Variants in BICC1 observed in about 807,000 individuals in gnomAD.
The protein encoded by BICC1 is protein bicaudal C homolog 1.
BICC1 carries 43 observed loss-of-function variants against 111.0 expected under a neutral mutation model. The ratio of observed to expected loss-of-function variants is 0.39; its 90% CI spans 0.30 to 0.50. The LOEUF is 0.50. BICC1 is among the 20% of genes least tolerant of loss of function. BICC1 has a pLI of 0.88. For synonymous variants in BICC1, 467 were observed against 434.4 expected, an observed-to-expected ratio of 1.07 and a Z score of -0.93; for missense variants, 1,091 against 1,203.2, an observed-to-expected ratio of 0.91 and a Z score of 1.38.
intron 3 of BICC1, among the ~76,000 whole-genome samples, chr10:58,728,028 T>G (rs1589069786): frequency 6.6e-6 from 1 of 152,364 alleles, no homozygotes; most frequent in Non-Finnish European, 1.5e-5. Context: ...ATCTTTTTGC[T>G]GGTGGAGGGT....
intron 2 of BICC1, among the ~76,000 whole-genome samples, chr10:58,680,286 C>G (rs1225534335): frequency 6.6e-6 from 1 of 152,070 alleles, no homozygotes; most frequent in African/African-American, 2.4e-5. Flanking sequence ...TTTGGAAAAC[C>G]CCGTCATCTC....
intron 3 of BICC1, among the ~76,000 whole-genome samples, chr10:58,772,085 A>G (rs1428061540): frequency 6.6e-6 from 1 of 152,184 alleles, no homozygotes; most frequent in Non-Finnish European, 1.5e-5. Context: ...TGTCTGGCCC[A>G]CAGTAGGCAT....
chr10:58,762,561 G>GGCCA (rs1842346091), intron 3 of BICC1, among the ~76,000 whole-genome samples: 1 of 152,112 alleles, frequency 6.6e-6, no homozygotes, highest in African/African-American at 2.4e-5. Flanking sequence ...GTTATTAAGT[G>GGCCA]GCCAGCATTC....
intron 3 of BICC1, among the ~76,000 whole-genome samples, chr10:58,732,369 GTGTGTGTA>G (rs1564580547): frequency 1.1e-5 from 1 of 91,474 alleles, no homozygotes; most frequent in African/African-American, 4.6e-5. Flanking sequence ...GTGTGTGTGT[GTGTGTGTA>G]TGTATATATA....
At chr10:58,798,053 G>A (rs1298653111) in intron 10 of BICC1, among the ~76,000 whole-genome samples, 7 of 152,202 alleles carry the variant, frequency 4.6e-5, no homozygotes, top group Non-Finnish European at 1.0e-4. Flanking sequence ...GAGTTATGCA[G>A]AAGAATAAAA....
At chr10:58,814,326 T>A in intron 18 of BICC1, 2 of 583,368 alleles carry the variant, frequency 3.4e-6, no homozygotes, top group Non-Finnish European at 6.1e-6. Flanking sequence ...ATGTGTCAAG[T>A]ATTCTGTTAT....
At chr10:58,710,430 C>A in intron 3 of BICC1, among the ~76,000 whole-genome samples, 1 of 152,274 alleles carries the variant, frequency 6.6e-6, no homozygotes, top group South Asian at 2.1e-4. Context: ...TCAGTCCTTG[C>A]AGATTACAGA....
chr10:58,539,544 A>AG (rs1589076506), intron 1 of BICC1, among the ~76,000 whole-genome samples: 1 of 151,556 alleles, frequency 6.6e-6, no homozygotes, highest in African/African-American at 2.4e-5. Flanking sequence ...AATAAAAAAA[A>AG]ATTTTTGAAG....
In BICC1 at chr10:58,762,330, A is replaced by T. The variant is rs1589113583; in HGVS notation, c.308-22671A>T. 3.3e-5 allele frequency among the ~76,000 whole-genome samples: 5 copies of T among 152,334 alleles called. No homozygotes were observed. In the East Asian group the frequency reaches 7.7e-4, roughly 23 times the overall value. The stretch of plus-strand genomic sequence containing the variant: ...GGTCAAACATTGAGAACTGATTTGC[A>T]GATAAGCTTTATGGGAATGTCTGTG... On this transcript the variant is annotated intron_variant, in intron 3 of 20. Coordinates refer to ENST00000373886, the MANE Select transcript of BICC1 (RefSeq NM_001080512.3).
chr10:58,814,879 A>G (rs1379494809), intron 18 of BICC1, among the ~76,000 whole-genome samples: 1 of 152,116 alleles, frequency 6.6e-6, no homozygotes, highest in Admixed American at 6.6e-5. Context: ...GTGGCTACTA[A>G]AGGTGAATAG....
At chr10:58,702,164 A>T in intron 3 of BICC1, 21 bp downstream of exon 3, 1 of 1,593,242 alleles carries the variant, frequency 6.3e-7, no homozygotes, top group South Asian at 1.1e-5. Context: ...AGAGGGCAAG[A>T]AATAGGTGGT....
rs181645904 is a variant in BICC1 at position 58,623,515 on chromosome 10, A to G, written c.237+2614A>G. On this transcript the variant is annotated intron_variant, in intron 2 of 20. Transcript: ENST00000373886. ...ATAAAATGTAAAAGCCTAAGATGTT[A>G]TAGCAAAAAATCCCCAAAACCCCAA... is the stretch of plus-strand genomic sequence containing the variant. Among the ~76,000 whole-genome samples, 70 of 152,342 alleles carry G rather than the reference A, an allele frequency of 4.6e-4. 1 individual carries two copies. The highest frequency in any genetic ancestry group is 3.8e-4 in the Non-Finnish European group (26 of 68,028).
intron 1 of BICC1, among the ~76,000 whole-genome samples, chr10:58,556,477 T>C (rs190733849): frequency 1.4e-4 from 21 of 152,284 alleles, no homozygotes; most frequent in African/African-American, 5.0e-4. Context: ...AAAATATTTG[T>C]ATGGAGTTAA....
chr10:58,659,301 A>G (rs913468018), intron 2 of BICC1, among the ~76,000 whole-genome samples: 2 of 152,206 alleles, frequency 1.3e-5, no homozygotes, highest in Non-Finnish European at 2.9e-5. Context: ...TTGTAGCACT[A>G]TTCACAATAA....
At chr10:58,596,205 C>T (rs1283243112) in intron 1 of BICC1, among the ~76,000 whole-genome samples, 1 of 151,490 alleles carries the variant, frequency 6.6e-6, no homozygotes, top group African/African-American at 2.4e-5. Context: ...TTCCGCTCAA[C>T]TTGTTTGAGG....
chr10:58,580,302 G>T (rs1163119533), intron 1 of BICC1, among the ~76,000 whole-genome samples: 8 of 152,160 alleles, frequency 5.3e-5, no homozygotes, highest in Non-Finnish European at 1.0e-4. Flanking sequence ...GGGATTACAG[G>T]TGTGAGCCAC....
chr10:58,548,600 T>C (rs751713693), intron 1 of BICC1, among the ~76,000 whole-genome samples: 1 of 152,210 alleles, frequency 6.6e-6, no homozygotes, highest in Non-Finnish European at 1.5e-5. Context: ...AATACTTTCA[T>C]ATCCTAAAAA....
intron 9 of BICC1, among the ~76,000 whole-genome samples, chr10:58,794,767 T>C (rs747786795): frequency 6.6e-6 from 1 of 152,174 alleles, no homozygotes; most frequent in Non-Finnish European, 1.5e-5. Context: ...GAAAGAGGAA[T>C]GTTTCTACAT....
At chr10:58,826,325 A>G (rs551602822) in intron 20 of BICC1, among the ~76,000 whole-genome samples, 88 of 152,340 alleles carry the variant, frequency 5.8e-4, no homozygotes, top group African/African-American at 2.1e-3. Flanking sequence ...GTCAACCACT[A>G]GATACCACAT....
Sources: allele counts gnomAD v4.1 joint callset (sites outside exome capture counted in the v4.1 genomes callset), GRCh38; gene constraint gnomAD v4.1.1; transcripts MANE v1.5; gene names NCBI Gene and HGNC (gene_info 2026-07-23, HGNC 2026-07-21).